Variants in DCC observed in about 807,000 individuals in gnomAD.
DCC encodes the protein netrin receptor DCC.
DCC carries 58 observed loss-of-function variants against 172.5 expected under a neutral mutation model. The observed-to-expected ratio is 0.34, with a 90% CI of 0.27 to 0.42. The LOEUF is 0.42. DCC is among the 10% of genes least tolerant of loss of function. DCC has a pLI of 1.00. For synonymous variants in DCC, 709 were observed against 644.5 expected (o/e 1.10, Z -1.52); for missense variants, 1,740 against 1,791.0 (o/e 0.97, Z 0.51).
At chr18:52,369,678 A>T (rs1399951759) in intron 1 of DCC, among the ~76,000 whole-genome samples, 1 of 151,854 alleles carries the variant, frequency 6.6e-6, no homozygotes, top group Non-Finnish European at 1.5e-5. Context: ...TATAAACCAA[A>T]TCTGTATTGA....
chr18:52,758,166 C>T (rs931683020), intron 2 of DCC, among the ~76,000 whole-genome samples: 1 of 152,154 alleles, frequency 6.6e-6, no homozygotes, highest in Non-Finnish European at 1.5e-5. Context: ...CATAGCTATA[C>T]ATTCAATAGT....
intron 1 of DCC, among the ~76,000 whole-genome samples, chr18:52,592,707 C>G (rs147600893): frequency 1.1e-4 from 17 of 152,226 alleles, no homozygotes; most frequent in African/African-American, 4.1e-4. Flanking sequence ...GATCTCAACT[C>G]ATTGTAACGT....
chr18:53,365,742 A>G (rs2057998646), intron 15 of DCC, among the ~76,000 whole-genome samples: 1 of 152,148 alleles, frequency 6.6e-6, no homozygotes. Flanking sequence ...TAATTTGAGA[A>G]TCAGTCAACT....
intron 21 of DCC, among the ~76,000 whole-genome samples, chr18:53,428,299 A>G (rs1185246843): frequency 2.7e-5 from 1 of 36,850 alleles, no homozygotes; most frequent in African/African-American, 7.5e-5. Flanking sequence ...GAATATAATA[A>G]TATATAGAAT....
At chr18:52,629,347 C>T (rs1052099401) in intron 1 of DCC, among the ~76,000 whole-genome samples, 1 of 152,142 alleles carries the variant, frequency 6.6e-6, no homozygotes, top group Non-Finnish European at 1.5e-5. Flanking sequence ...GACACTGCTG[C>T]TGGTATTTTT....
chr18:52,491,339 T>C (rs1340133065), intron 1 of DCC, among the ~76,000 whole-genome samples: 1 of 152,018 alleles, frequency 6.6e-6, no homozygotes, highest in Non-Finnish European at 1.5e-5. Context: ...CAAACACATA[T>C]ATAATTGCAA....
intron 1 of DCC, among the ~76,000 whole-genome samples, chr18:52,695,160 C>G (rs1463980671): frequency 1.3e-5 from 2 of 152,180 alleles, no homozygotes; most frequent in Non-Finnish European, 2.9e-5. Context: ...TAGCATCATT[C>G]TGACACTGAC....
chr18:52,789,426 A>T (rs1375540516), intron 2 of DCC, among the ~76,000 whole-genome samples: 1 of 152,178 alleles, frequency 6.6e-6, no homozygotes, highest in African/African-American at 2.4e-5. Context: ...CTAGGAAAGC[A>T]AGATTCAAGA....
At chr18:52,764,049 GTCT>G (rs774321820) in intron 2 of DCC, among the ~76,000 whole-genome samples, 3 of 152,164 alleles carry the variant, frequency 2.0e-5, no homozygotes, top group African/African-American at 4.8e-5. Context: ...CCTTTGACAA[GTCT>G]TCTTCTTACC....
chr18:53,184,553 G>A (rs2055249841), intron 9 of DCC, among the ~76,000 whole-genome samples: 2 of 152,092 alleles, frequency 1.3e-5, no homozygotes, highest in Admixed American at 6.5e-5. Context: ...CTGCAAACCT[G>A]TATAGCATGT....
At chr18:53,527,971 C>T (rs372090991) in intron 28 of DCC, among the ~76,000 whole-genome samples, 1 of 151,982 alleles carries the variant, frequency 6.6e-6, no homozygotes. Context: ...AATCTGCCAC[C>T]CTTCCAACTA....
At chr18:53,506,195 G>T (rs2046172844) in intron 27 of DCC, among the ~76,000 whole-genome samples, 1 of 152,106 alleles carries the variant, frequency 6.6e-6, no homozygotes, top group Non-Finnish European at 1.5e-5. Context: ...CTCGAATGTT[G>T]GTTGAATTGG....
intron 12 of DCC, among the ~76,000 whole-genome samples, chr18:53,250,701 CT>C (rs1000394916): frequency 4.0e-5 from 6 of 151,836 alleles, no homozygotes; most frequent in African/African-American, 1.2e-4. Flanking sequence ...CACTCAGTGG[CT>C]TTTTTCTCAT....
At chr18:53,008,868 G>GCAT (rs1481733869) in intron 5 of DCC, among the ~76,000 whole-genome samples, 1 of 151,902 alleles carries the variant, frequency 6.6e-6, no homozygotes, top group Non-Finnish European at 1.5e-5. Flanking sequence ...ATTTCTTCTT[G>GCAT]CATCAATAAT....
chr18:52,366,364 C>G (rs898740204), intron 1 of DCC, among the ~76,000 whole-genome samples: 1 of 152,138 alleles, frequency 6.6e-6, no homozygotes, highest in African/African-American at 2.4e-5. Flanking sequence ...CAAGGGGACC[C>G]GAGCGGGTTG....
intron 9 of DCC, among the ~76,000 whole-genome samples, chr18:53,188,442 C>A (rs1276449767): frequency 6.6e-6 from 1 of 152,180 alleles, no homozygotes; most frequent in African/African-American, 2.4e-5. Context: ...TGGTCTGATT[C>A]TCAAATTTTT....
chr18:52,751,800 C>T (rs762511674), intron 1 of DCC, among the ~76,000 whole-genome samples: 6 of 151,842 alleles, frequency 4.0e-5, no homozygotes, highest in Non-Finnish European at 8.8e-5. Flanking sequence ...ATAAGCATGC[C>T]AGGATTTATA....
At chr18:53,297,378 G>A (rs2057079979) in intron 12 of DCC, among the ~76,000 whole-genome samples, 1 of 152,162 alleles carries the variant, frequency 6.6e-6, no homozygotes, top group Non-Finnish European at 1.5e-5. Flanking sequence ...GGAATTAGAG[G>A]AAGCTAAATT....
At chr18:52,940,705 G>A (rs997039237) in intron 5 of DCC, among the ~76,000 whole-genome samples, 2 of 152,154 alleles carry the variant, frequency 1.3e-5, no homozygotes, top group Non-Finnish European at 2.9e-5. Context: ...AAACTATGCT[G>A]ATATGATGAT....
Sources: gnomAD v4.1 joint callset for allele counts (sites outside exome capture counted in the v4.1 genomes callset) on GRCh38, gnomAD v4.1.1 for gene constraint, MANE v1.5 for transcripts, NCBI Gene and HGNC (gene_info 2026-07-23, HGNC 2026-07-21) for gene names.